C8B: variants seen among roughly 807,000 people sequenced by gnomAD.
The protein encoded by C8B is complement C8 beta chain.
Under a neutral mutation model 64.6 loss-of-function variants are expected in C8B, and 67 were observed. The observed-to-expected ratio is 1.04, with a 90% CI of 0.85 to 1.27. C8B has a LOEUF of 1.27. Among genes scored for constraint, C8B ranks in the 50% most tolerant of loss-of-function variants. The probability of loss-of-function intolerance (pLI) is 0.00; values close to 1 mark genes in which losing one functional copy is unlikely to be tolerated. For missense variants in C8B, 790 were observed against 725.2 expected, an observed-to-expected ratio of 1.09 and a Z score of -1.03; for synonymous variants, 284 against 257.7, an observed-to-expected ratio of 1.10 and a Z score of -0.98.
chr1:56,942,520 C>A (rs1052418604), intron 8 of C8B, among the ~76,000 whole-genome samples: 1 of 152,134 alleles, frequency 6.6e-6, no homozygotes, highest in Non-Finnish European at 1.5e-5. Context: ...TGGCCAACAA[C>A]ATGGCGAAAC....
Position 56,943,686 on chromosome 1 carries a change from T to G in C8B, c.1234+10A>C. 1 of 1,613,968 alleles carries G rather than the reference T, an allele frequency of 6.2e-7. No individual in the cohort carries two copies. Among genetic ancestry groups the G allele is most frequent in the Non-Finnish European group, 8.5e-7 (1 of 1,179,864 alleles). On this transcript the variant is annotated intron_variant, in intron 8 of 11. Transcript: ENST00000371237. ...TATAAGTGTGGAAGTCACAAGCCCC[T>G]GTCACTCACCTTTTATTTCATTCAG...
intron 1 of C8B, chr1:56,963,888 A>G (rs1348989775): frequency 1.0e-6 from 1 of 985,320 alleles, no homozygotes; most frequent in Non-Finnish European, 1.2e-6. Flanking sequence ...TGATTACAAG[A>G]GTAAGTAAGA....
At chr1:56,943,907 G>A (rs775673736) in intron 7 of C8B, 83 bp from the exon 8 acceptor site, 15 of 1,519,514 alleles carry the variant, frequency 9.9e-6, no homozygotes, top group Admixed American at 8.5e-5. Flanking sequence ...CAGAGGCCTA[G>A]CCCTGTTGAA....
intron 1 of C8B, 105 bp from the exon 2 acceptor site, chr1:56,960,281 C>A: frequency 7.6e-6 from 8 of 1,045,932 alleles, no homozygotes; most frequent in Non-Finnish European, 1.2e-5. Context: ...CTCACTTGTG[C>A]AAGGCTATTA....
At chr1:56,948,775 C>T (rs1270305366) in intron 6 of C8B, among the ~76,000 whole-genome samples, 1 of 152,174 alleles carries the variant, frequency 6.6e-6, no homozygotes, top group Non-Finnish European at 1.5e-5. Context: ...CTCCACTGAG[C>T]ACCCTAAGAA....
In C8B at chr1:56,949,769, A is replaced by G. The variant is rs1255874629; in HGVS notation, c.667-17T>C. 6.3e-7 allele frequency: 1 copy of G among 1,579,402 alleles called. No individual in the cohort carries two copies. Among genetic ancestry groups the G allele is most frequent in the Non-Finnish European group, 8.7e-7 (1 of 1,152,538 alleles). ...GCCTTGGGTCTAAAGAAGAAAAAAG[A>G]AAGGGTTTTTTATTTCATTTGACTC... is the stretch of plus-strand genomic sequence containing the variant. On this transcript the variant is annotated splice_polypyrimidine_tract_variant and intron_variant, in intron 5 of 11. Coordinates refer to ENST00000371237, the MANE Select transcript of C8B (RefSeq NM_000066.4).
intron 7 of C8B, among the ~76,000 whole-genome samples, chr1:56,944,341 C>T (rs1331899800): frequency 6.6e-6 from 1 of 152,188 alleles, no homozygotes; most frequent in Non-Finnish European, 1.5e-5. Context: ...TTCTTCCTCC[C>T]TAATTCTCCC....
chr1:56,942,783 G>A (rs980650383), intron 8 of C8B, among the ~76,000 whole-genome samples: 5 of 152,012 alleles, frequency 3.3e-5, no homozygotes, highest in South Asian at 2.1e-4. Flanking sequence ...GTAGGGGGGC[G>A]TCTCTGCCAG....
chr1:56,936,956 A>G (rs961267070), intron 9 of C8B, among the ~76,000 whole-genome samples: 4 of 152,080 alleles, frequency 2.6e-5, no homozygotes, highest in Non-Finnish European at 4.4e-5. Flanking sequence ...CAAATCCAAC[A>G]TTGTCTTTCC....
intron 1 of C8B, 91 bp downstream of exon 1, chr1:56,965,766 T>C (rs1645246719): frequency 1.4e-6 from 2 of 1,382,208 alleles, no homozygotes; most frequent in Non-Finnish European, 2.1e-6. Flanking sequence ...CCTCATTCAA[T>C]AGGCATGCAA....
intron 3 of C8B, 105 bp from the exon 4 acceptor site, chr1:56,954,932 T>C (rs927785242): frequency 1.5e-6 from 2 of 1,327,814 alleles, no homozygotes. Flanking sequence ...AGGCCTTGCA[T>C]GCTGCCCTGT....
At chr1:56,958,887 C>T (rs1436384635) in intron 2 of C8B, among the ~76,000 whole-genome samples, 1 of 152,188 alleles carries the variant, frequency 6.6e-6, no homozygotes, top group African/African-American at 2.4e-5. Flanking sequence ...AGTCTAAGCC[C>T]ATGGCTGGTT....
intron 1 of C8B, among the ~76,000 whole-genome samples, chr1:56,962,347 A>G (rs900730861): frequency 2.0e-5 from 3 of 152,232 alleles, no homozygotes; most frequent in Non-Finnish European, 4.4e-5. Context: ...TGTGTGGTTT[A>G]TTAGTACTAT....
chr1:56,941,083 C>G, intron 8 of C8B, 71 bp from the exon 9 acceptor site: 1 of 1,539,434 alleles, frequency 6.5e-7, no homozygotes. Context: ...TGCAACCCAA[C>G]CAACAATTTG....
chr1:56,963,130 T>C (rs904972551), intron 1 of C8B, among the ~76,000 whole-genome samples: 23 of 152,206 alleles, frequency 1.5e-4, no homozygotes, highest in Non-Finnish European at 3.4e-4. Flanking sequence ...AGGAGGTGTC[T>C]TTCCTGGGGA....
intron 4 of C8B, 126 bp downstream of exon 4, chr1:56,954,560 A>G (rs1451279386): frequency 1.5e-6 from 2 of 1,308,760 alleles, no homozygotes; most frequent in African/African-American, 2.9e-5. Context: ...GTTACTTACA[A>G]TACAGTCTTT....
At chr1:56,947,855 C>T (rs936907246) in intron 6 of C8B, among the ~76,000 whole-genome samples, 6 of 152,032 alleles carry the variant, frequency 3.9e-5, no homozygotes, top group Non-Finnish European at 5.9e-5. Flanking sequence ...CGCTTGAACC[C>T]GGGAGGTGGA....
chr1:56,934,186 T>G (rs927235476), intron 9 of C8B, among the ~76,000 whole-genome samples: 35 of 151,774 alleles, frequency 2.3e-4, no homozygotes, highest in African/African-American at 8.5e-4. Context: ...CTTTTCTGAT[T>G]AGATTGTAAG....
intron 9 of C8B, among the ~76,000 whole-genome samples, chr1:56,939,876 C>T (rs973374455): frequency 1.3e-5 from 2 of 152,194 alleles, no homozygotes; most frequent in Non-Finnish European, 2.9e-5. Context: ...AGAATAATTA[C>T]TTTGCAGACC....
Sources: allele counts gnomAD v4.1 joint callset (sites outside exome capture counted in the v4.1 genomes callset), GRCh38; gene constraint gnomAD v4.1.1; transcripts MANE v1.5; gene names NCBI Gene and HGNC (gene_info 2026-07-23, HGNC 2026-07-21).